KIAA1217: variants seen among roughly 807,000 people sequenced by gnomAD.
The protein encoded by KIAA1217 is sickle tail protein homolog.
Under a neutral mutation model 163.9 loss-of-function variants are expected in KIAA1217, and 88 were observed. That is an observed-to-expected ratio of 0.54 (90% CI 0.45 to 0.64). KIAA1217 has a LOEUF of 0.64. Ranked by LOEUF, KIAA1217 falls within the 30% of genes least tolerant of loss-of-function variation. The probability of loss-of-function intolerance (pLI) is 0.00; values close to 1 mark genes in which losing one functional copy is unlikely to be tolerated. For missense variants in KIAA1217, 2,372 were observed against 2,475.0 expected (o/e 0.96, Z 0.88); for synonymous variants, 903 against 923.1 (o/e 0.98, Z 0.39).
intron 4 of KIAA1217, among the ~76,000 whole-genome samples, chr10:24,437,168 C>T (rs563929100): frequency 2.0e-5 from 3 of 152,234 alleles, no homozygotes; most frequent in South Asian, 4.1e-4. Flanking sequence ...GCCTGTGACT[C>T]CTTCCTCTGG....
chr10:24,532,155 A>G (rs11812628), intron 15 of KIAA1217, among the ~76,000 whole-genome samples, 162 bp downstream of exon 15: 7,366 of 152,284 alleles, frequency 0.048, 493 homozygotes, highest in African/African-American at 0.15. Context: ...GGCAGCCAGT[A>G]TGATTGGACT....
At chr10:24,122,059 A>G (rs1245971259) in intron 2 of KIAA1217, among the ~76,000 whole-genome samples, 1 of 152,130 alleles carries the variant, frequency 6.6e-6, no homozygotes, top group Non-Finnish European at 1.5e-5. Flanking sequence ...TTTGTTACAT[A>G]GGTGTATTAT....
At chr10:23,765,557 T>A (rs1834473531) in intron 1 of KIAA1217, among the ~76,000 whole-genome samples, 1 of 152,234 alleles carries the variant, frequency 6.6e-6, no homozygotes, top group East Asian at 1.9e-4. Flanking sequence ...CCAAATCTCA[T>A]CTTGAATTGT....
intron 1 of KIAA1217, among the ~76,000 whole-genome samples, chr10:23,715,078 A>G (rs1394193681): frequency 6.6e-6 from 1 of 152,194 alleles, no homozygotes; most frequent in East Asian, 1.9e-4. Context: ...TACAAAAGGA[A>G]CAGTAAATAA....
chr10:23,726,621 A>G (rs1358656872), intron 1 of KIAA1217, among the ~76,000 whole-genome samples: 1 of 152,166 alleles, frequency 6.6e-6, no homozygotes, highest in Non-Finnish European at 1.5e-5. Flanking sequence ...CAGGCAACCT[A>G]CAGAATGGGA....
intron 2 of KIAA1217, among the ~76,000 whole-genome samples, chr10:24,379,438 G>A (rs2052985291): frequency 1.3e-5 from 2 of 152,156 alleles, no homozygotes; most frequent in Admixed American, 1.3e-4. Flanking sequence ...GCATATCTTT[G>A]CTGAGTTTCC....
chr10:24,185,790 C>T lies in KIAA1217; in HGVS notation c.-170-33836C>T, dbSNP rs554661671. Among the ~76,000 whole-genome samples, 9 of 151,106 alleles carry T rather than the reference C, an allele frequency of 6.0e-5. No individual in the cohort carries two copies. In the South Asian group the frequency reaches 6.3e-4, roughly 11 times the overall value. On this transcript the variant is annotated intron_variant, in intron 2 of 18. Transcript: ENST00000376462. ...AGCCTGAGTGACAAGAGCAAAATTC[C>T]GTCTCAAAAAAAAAAATTGCAAAAC...
intron 16 of KIAA1217, among the ~76,000 whole-genome samples, chr10:24,535,812 G>A (rs2073925298): frequency 6.7e-6 from 1 of 150,248 alleles, no homozygotes. Context: ...AATAAAAATA[G>A]TTTTTAATCC....
chr10:24,279,972 G>T (rs546074997), intron 2 of KIAA1217, among the ~76,000 whole-genome samples: 1 of 152,170 alleles, frequency 6.6e-6, no homozygotes, highest in Non-Finnish European at 1.5e-5. Context: ...CTCAGTGAAG[G>T]CTCCTCTGTT....
At chr10:23,720,855 G>A (rs565025646) in intron 1 of KIAA1217, among the ~76,000 whole-genome samples, 32 of 152,260 alleles carry the variant, frequency 2.1e-4, no homozygotes, top group Admixed American at 3.9e-4. Flanking sequence ...TTCCACTGAT[G>A]TTCACAAGTC....
At chr10:24,082,807 T>TG (rs1286929531) in intron 2 of KIAA1217, among the ~76,000 whole-genome samples, 1 of 152,222 alleles carries the variant, frequency 6.6e-6, no homozygotes, top group Non-Finnish European at 1.5e-5. Context: ...TCTAAATCTT[T>TG]GGGGAATTGC....
chr10:23,950,227 C>T (rs1310028259), intron 1 of KIAA1217, among the ~76,000 whole-genome samples: 2 of 152,000 alleles, frequency 1.3e-5, no homozygotes, highest in Non-Finnish European at 2.9e-5. Flanking sequence ...GATTTCTTCC[C>T]CATAAGATTA....
chr10:23,928,203 A>C (rs756976723), intron 1 of KIAA1217, among the ~76,000 whole-genome samples: 19 of 152,158 alleles, frequency 1.2e-4, no homozygotes, highest in Admixed American at 4.6e-4. Flanking sequence ...CGAGCAGCAC[A>C]GGGTCCCCTG....
chr10:24,412,111 C>T (rs181728271), intron 3 of KIAA1217, among the ~76,000 whole-genome samples: 34 of 151,618 alleles, frequency 2.2e-4, no homozygotes, highest in Admixed American at 3.3e-4. Flanking sequence ...AGAAAGATCC[C>T]GTGTGATTTT....
At chr10:24,263,208 A>G (rs1053062635) in intron 2 of KIAA1217, among the ~76,000 whole-genome samples, 2 of 152,214 alleles carry the variant, frequency 1.3e-5, no homozygotes, top group South Asian at 2.1e-4. Context: ...ACGGAAGATT[A>G]GCAACTATGC....
At chr10:23,849,669 A>T (rs549730753) in intron 1 of KIAA1217, among the ~76,000 whole-genome samples, 2 of 152,280 alleles carry the variant, frequency 1.3e-5, no homozygotes, top group African/African-American at 4.8e-5. Flanking sequence ...TACATAAAGT[A>T]TAATAATAAA....
intron 3 of KIAA1217, among the ~76,000 whole-genome samples, chr10:24,426,659 T>C (rs1451515506): frequency 2.0e-5 from 3 of 151,976 alleles, no homozygotes; most frequent in African/African-American, 7.2e-5. Flanking sequence ...CTCAACAAAA[T>C]ACAATATGAG....
At chr10:23,921,609 G>A (rs1305002477) in intron 1 of KIAA1217, among the ~76,000 whole-genome samples, 2 of 152,236 alleles carry the variant, frequency 1.3e-5, no homozygotes, top group Non-Finnish European at 2.9e-5. Flanking sequence ...TTCAAAATGT[G>A]TGATACTTTG....
intron 10 of KIAA1217, 107 bp from the exon 11 acceptor site, chr10:24,520,016 G>A: frequency 7.7e-7 from 1 of 1,302,950 alleles, no homozygotes; most frequent in Non-Finnish European, 1.1e-6. Context: ...GGGGGGAGGA[G>A]CTGGGGCTCT....
Sources: gnomAD v4.1 joint callset for allele counts (sites outside exome capture counted in the v4.1 genomes callset) on GRCh38, gnomAD v4.1.1 for gene constraint, MANE v1.5 for transcripts, NCBI Gene and HGNC (gene_info 2026-07-23, HGNC 2026-07-21) for gene names.